The following ATP2C1 variants were observed in gnomAD, a reference collection of about 807,000 sequenced individuals.
ATP2C1 encodes the protein calcium-transporting ATPase type 2C member 1.
A neutral mutation model predicts 120.5 loss-of-function variants in ATP2C1; 31 were observed. The observed-to-expected ratio is 0.26, with a 90% CI of 0.19 to 0.35. The LOEUF is 0.35. Ranked by LOEUF, ATP2C1 falls within the 10% of genes least tolerant of loss-of-function variation. ATP2C1 has a pLI of 1.00. For synonymous variants in ATP2C1, 351 were observed against 358.7 expected (o/e 0.98, Z 0.24); for missense variants, 731 against 1,107.5 (o/e 0.66, Z 4.83).
chr3:130,933,587 G>T (rs1213443022), intron 4 of ATP2C1, among the ~76,000 whole-genome samples: 1 of 152,186 alleles, frequency 6.6e-6, no homozygotes, highest in East Asian at 1.9e-4. Context: ...TGGTTGGTCA[G>T]CCCTGAACCA....
At chr3:130,882,361 G>C (rs963804708) in intron 1 of ATP2C1, among the ~76,000 whole-genome samples, 5 of 151,782 alleles carry the variant, frequency 3.3e-5, no homozygotes, top group African/African-American at 1.2e-4. Context: ...CACCACACCT[G>C]GCTAATTTTT....
intron 2 of ATP2C1, chr3:130,918,357 T>C (rs1348372933): frequency 6.5e-7 from 1 of 1,548,250 alleles, no homozygotes; most frequent in African/African-American, 1.4e-5. Flanking sequence ...CTTCCCACAC[T>C]TTGCACATCG....
chr3:130,918,458 T>G, intron 2 of ATP2C1: 1 of 840,900 alleles, frequency 1.2e-6, no homozygotes, highest in African/African-American at 1.7e-5. Flanking sequence ...TCTCAGCACC[T>G]CTGTATTTCT....
At chr3:130,884,854 A>ATCTT (rs76457346) in intron 1 of ATP2C1, among the ~76,000 whole-genome samples, 15,142 of 150,334 alleles carry the variant, frequency 0.1, 868 homozygotes, top group Non-Finnish European at 0.13. Flanking sequence ...GGCTTGGAAT[A>ATCTT]TCTTTTTCCA....
At chr3:130,862,721 A>G (rs2068056376) in intron 1 of ATP2C1, among the ~76,000 whole-genome samples, 1 of 152,200 alleles carries the variant, frequency 6.6e-6, no homozygotes, top group Non-Finnish European at 1.5e-5. Flanking sequence ...TCTCCACCAA[A>G]ACATTTAGCA....
chr3:130,890,643 CA>C (rs1389968105), upstream of ATP2C1, among the ~76,000 whole-genome samples: 2 of 152,198 alleles, frequency 1.3e-5, no homozygotes, highest in East Asian at 3.9e-4. Flanking sequence ...CAACCAAACA[CA>C]AGTAGCTCAT....
chr3:130,856,427 G>A (rs2067842686), intron 1 of ATP2C1, among the ~76,000 whole-genome samples: 1 of 152,188 alleles, frequency 6.6e-6, no homozygotes, highest in South Asian at 2.1e-4. Context: ...TGCTGATGTA[G>A]GCTCTGATTC....
chr3:130,856,870 T>A (rs1239644910), intron 1 of ATP2C1, among the ~76,000 whole-genome samples: 1 of 152,208 alleles, frequency 6.6e-6, no homozygotes, highest in African/African-American at 2.4e-5. Context: ...TACCTAGTGT[T>A]CCATTATTGG....
chr3:130,933,817 A>T (rs1190864374), intron 4 of ATP2C1, among the ~76,000 whole-genome samples: 1 of 152,186 alleles, frequency 6.6e-6, no homozygotes, highest in Non-Finnish European at 1.5e-5. Context: ...GTTCCAGGGA[A>T]TGGAACCATA....
At chr3:130,901,394 C>T (rs1195682706) in intron 2 of ATP2C1, among the ~76,000 whole-genome samples, 1 of 151,876 alleles carries the variant, frequency 6.6e-6, no homozygotes, top group Non-Finnish European at 1.5e-5. Context: ...ATTAGTTACT[C>T]CTGATTTCAT....
chr3:130,882,421 A>G (rs1467778821), intron 1 of ATP2C1, among the ~76,000 whole-genome samples: 3 of 151,980 alleles, frequency 2.0e-5, no homozygotes, highest in African/African-American at 7.2e-5. Flanking sequence ...GGCTGATCTC[A>G]AACTCCTGAC....
chr3:130,882,821 G>C (rs998588396), intron 1 of ATP2C1, among the ~76,000 whole-genome samples: 1 of 151,730 alleles, frequency 6.6e-6, no homozygotes, highest in Non-Finnish European at 1.5e-5. Context: ...ATTTTTTTTT[G>C]ATGTGTCTTT....
chr3:130,967,332 G>A lies in ATP2C1; in HGVS notation c.1221G>A (p.Ala407=), dbSNP rs1411886026. 14 of 1,613,532 alleles carry A rather than the reference G, an allele frequency of 8.7e-6. No homozygotes were observed. Among genetic ancestry groups the A allele is most frequent in the Admixed American group, 5.0e-5 (3 of 59,986 alleles). ...YNPAVSRIVE[A]GCVCNDAVIR... The stretch of plus-strand genomic sequence containing the variant: ...TAGTTTATGTGTATTTTTCTTAGGC[G>A]GGCTGTGTGTGCAATGATGCTGTAA... Residue 407 remains alanine, a splice_region_variant and synonymous_variant, in exon 16 of 28, where the codon GCG becomes GCA. Transcript: ENST00000510168.
chr3:130,951,968 T>G (rs1382288791), intron 8 of ATP2C1, among the ~76,000 whole-genome samples: 2 of 152,186 alleles, frequency 1.3e-5, no homozygotes, highest in African/African-American at 2.4e-5. Context: ...CAGTTATGTT[T>G]GCCTAACACA....
chr3:130,937,954 AC>A (rs986612325), intron 6 of ATP2C1, among the ~76,000 whole-genome samples: 2 of 152,216 alleles, frequency 1.3e-5, no homozygotes, highest in African/African-American at 2.4e-5. Flanking sequence ...GCCAAATGCT[AC>A]ACTTGTTTGC....
chr3:130,990,260 T>C (rs948204754), intron 20 of ATP2C1, among the ~76,000 whole-genome samples: 1 of 139,506 alleles, frequency 7.2e-6, no homozygotes, highest in Admixed American at 7.7e-5. Flanking sequence ...GTTAAATAAG[T>C]GCTTAAGAGC....
upstream of ATP2C1, among the ~76,000 whole-genome samples, chr3:130,889,143 ACACT>A (rs753520525): frequency 6.6e-6 from 1 of 152,202 alleles, no homozygotes; most frequent in Non-Finnish European, 1.5e-5. Flanking sequence ...ACATGTACAC[ACACT>A]CACTCACACT....
chr3:130,850,918 C>G (rs2067655252), exon 1 of ATP2C1: 3 of 1,395,860 alleles, frequency 2.1e-6, no homozygotes, highest in East Asian at 2.8e-5. Context: ...AACCAAAGAG[C>G]CGAAGAACAG....
Position 130,996,082 on chromosome 3 carries a change from T to C in ATP2C1, c.2097T>C (p.Ile699=). The change falls in exon 23 of 28, where the codon ATT becomes ATC. Residue 699 remains isoleucine, a synonymous_variant. Coordinates refer to ENST00000510168, the MANE Select transcript of ATP2C1 (RefSeq NM_001378687.1). ...IEEGKGIYNN[I]KNFVRFQLST... is the part of the protein sequence containing the mutation. The stretch of plus-strand genomic sequence containing the variant: ...AGGGTAAAGGGATTTATAATAACAT[T>C]AAAAATTTCGTTAGATTCCAGCTGA... 1.2e-6 allele frequency: 2 copies of C among 1,611,976 alleles called. No individual in the cohort carries two copies. Among genetic ancestry groups the C allele is most frequent in the East Asian group, 2.2e-5 (1 of 44,838 alleles).
Sources: gnomAD v4.1 joint callset for allele counts (sites outside exome capture counted in the v4.1 genomes callset) on GRCh38, gnomAD v4.1.1 for gene constraint, MANE v1.5 for transcripts, NCBI Gene and HGNC (gene_info 2026-07-23, HGNC 2026-07-21) for gene names.